The following NUDT13 variants were observed in gnomAD, a reference collection of about 807,000 sequenced individuals.
The protein encoded by NUDT13 is nudix hydrolase 13.
Under a neutral mutation model 41.7 loss-of-function variants are expected in NUDT13, and 40 were observed. That is an observed-to-expected ratio of 0.96 (90% CI 0.75 to 1.25). NUDT13 has a LOEUF of 1.25. NUDT13 is among the 50% of genes most tolerant of loss of function. The probability of loss-of-function intolerance (pLI) is 0.00; values close to 1 mark genes in which losing one functional copy is unlikely to be tolerated. For synonymous variants in NUDT13, 145 were observed against 155.5 expected (o/e 0.93, Z 0.50); for missense variants, 390 against 416.1 (o/e 0.94, Z 0.55).
rs1299425875 is a variant in NUDT13, at chr10:73,125,236, A to T, written c.584A>T (p.Tyr195Phe). 5.6e-6 allele frequency: 9 copies of T among 1,610,552 alleles called. No homozygotes were observed. In the South Asian group the frequency reaches 8.8e-5, roughly 16 times the overall value. The change falls in exon 6 of 9, where the codon TAT becomes TTT. Residue 195 changes from tyrosine (Y) to phenylalanine (F), a missense_variant. Transcript: ENST00000357321. Reference sequence around the variant, plus strand: ...TGCCCTTCCAATAATATAATCTATTATCCACAGGTAATTATTGCTGTAAGA... The same window carrying T: ...TGCCCTTCCAATAATATAATCTATTTTCCACAGGTAATTATTGCTGTAAGA... ...RVCPSNNIIY[Y>F]PQMAPVAITL...
At chr10:73,118,333 C>CT (rs1233653250) in intron 2 of NUDT13, among the ~76,000 whole-genome samples, 1 of 152,160 alleles carries the variant, frequency 6.6e-6, no homozygotes, top group Non-Finnish European at 1.5e-5. Flanking sequence ...GTGCATTTGT[C>CT]TTTTTGCTTT....
rs199873816 is a variant in NUDT13 at position 73,122,173 on chromosome 10, A to G, written c.224-2A>G. On this transcript the variant is annotated splice_acceptor_variant, in intron 3 of 8. Transcript: ENST00000357321. LOFTEE classifies it high-confidence loss of function. Reference sequence around the variant, plus strand: ...TTCTCCCTTCCCCTTTCTGTTTCTTAGAGTTGGAAAGGCTCCTGGGTAAAT... The same window carrying G: ...TTCTCCCTTCCCCTTTCTGTTTCTTGGAGTTGGAAAGGCTCCTGGGTAAAT... The G allele has an allele frequency of 1.9e-6, 3 of 1,611,272 alleles. No individual in the cohort carries two copies. The highest frequency in any genetic ancestry group is 2.2e-5 in the South Asian group (2 of 90,556).
intron 3 of NUDT13, 49 bp downstream of exon 3, chr10:73,120,206 C>A (rs747349561): frequency 1.3e-6 from 2 of 1,571,300 alleles, no homozygotes; most frequent in Non-Finnish European, 1.7e-6. Flanking sequence ...GGCCACTACG[C>A]AGAATTCAGC....
Position 73,114,449 on chromosome 10 carries a change from GT to G in NUDT13, c.83+2del. 6.4e-7 allele frequency: 1 copy of G among 1,557,656 alleles called. No individual in the cohort carries two copies. Among genetic ancestry groups the G allele is most frequent in the East Asian group, 2.3e-5 (1 of 44,178 alleles). On this transcript the variant is annotated splice_donor_variant, in intron 2 of 8. Coordinates refer to ENST00000357321, the MANE Select transcript of NUDT13 (RefSeq NM_015901.6). LOFTEE classifies it high-confidence loss of function. The stretch of plus-strand genomic sequence containing the variant: ...TGTCAACCTATGTTACTAAGACACG[GT>G]GAGTTTTAGCCAACCTGAGCTTTGA...
intron 3 of NUDT13, among the ~76,000 whole-genome samples, chr10:73,120,895 G>A (rs7077585): frequency 0.16 from 23,573 of 150,434 alleles, 3,083 homozygotes; most frequent in African/African-American, 0.33. Context: ...CCGAGATCAC[G>A]GCACTGCACC....
In NUDT13 at chr10:73,114,385, T is replaced by C. The variant is rs377459978; in HGVS notation, c.20T>C (p.Ile7Thr). The C allele has an allele frequency of 1.9e-6, 3 of 1,585,980 alleles. No homozygotes were observed. The highest frequency in any genetic ancestry group is 2.3e-5 in the South Asian group (2 of 87,644). Residue 7 changes from isoleucine (I) to threonine (T), a missense_variant, in exon 2 of 9, where the codon ATA becomes ACA. Coordinates refer to ENST00000357321, the MANE Select transcript of NUDT13 (RefSeq NM_015901.6). ...CTGACAATGTCCCTGTATTGTGGAA[T>C]AGCTTGCAGGAGAAAATTTTTTTGG... MSLYCG[I>T]ACRRKFFWCY...
At chr10:73,112,413 C>G (rs1842388529) in intron 1 of NUDT13, among the ~76,000 whole-genome samples, 1 of 149,126 alleles carries the variant, frequency 6.7e-6, no homozygotes, top group African/African-American at 2.5e-5. Context: ...ATTGGTATGT[C>G]TGTGTCCTTT....
intron 8 of NUDT13, among the ~76,000 whole-genome samples, 191 bp downstream of exon 8, chr10:73,127,018 C>T (rs912068478): frequency 6.6e-6 from 1 of 152,088 alleles, no homozygotes; most frequent in Non-Finnish European, 1.5e-5. Context: ...CTGATGTGGG[C>T]GGATCACTTG....
Position 73,131,159 on chromosome 10 carries a change from A to T in NUDT13, c.*256A>T. On this transcript the variant is annotated 3_prime_UTR_variant, in exon 9 of 9. Transcript: ENST00000357321. Reference sequence around the variant, plus strand: ...CAAAAATCAGGGGGAAGGGGGAAGCATTAGTTTGGATGTAGGCCCTTGTTC... The same window carrying T: ...CAAAAATCAGGGGGAAGGGGGAAGCTTTAGTTTGGATGTAGGCCCTTGTTC... The T allele has an allele frequency of 1.8e-5, 7 of 379,570 alleles. No homozygotes were observed. The South Asian group carries it at 1.9e-4, about 10-fold the overall frequency. 23.5% of individuals were successfully genotyped at this position (379,570 alleles called of 1,614,324 possible). A position where few individuals can be genotyped will look rare whatever the true frequency, so the allele number is the denominator to read the frequency against.
chr10:73,117,557 C>CAAA (rs75939322), intron 2 of NUDT13, among the ~76,000 whole-genome samples: 1 of 49,928 alleles, frequency 2.0e-5, no homozygotes. Context: ...AACTCAGTCT[C>CAAA]AAAAAAAAAA....
Position 73,125,412 on chromosome 10 carries a change from G to T in NUDT13, c.606G>T (p.Ala202=), listed in dbSNP as rs752329269. 2.5e-6 allele frequency: 4 copies of T among 1,613,454 alleles called. No individual in the cohort carries two copies. Among genetic ancestry groups the T allele is most frequent in the Non-Finnish European group, 3.4e-6 (4 of 1,179,762 alleles). ...CCCTTTCCTAGATGGCTCCTGTGGC[G>T]ATCACGCTGGTGTCAGATGGGACCC... The part of the protein sequence containing the change: ...IIYYPQMAPV[A]ITLVSDGTRC... The change falls in exon 7 of 9, where the codon GCG becomes GCT. Residue 202 remains alanine, a synonymous_variant. Transcript: ENST00000357321.
intron 1 of NUDT13, among the ~76,000 whole-genome samples, chr10:73,113,389 T>C (rs553989922): frequency 1.3e-5 from 2 of 152,338 alleles, no homozygotes; most frequent in Admixed American, 1.3e-4. Context: ...CTGAGTGGTG[T>C]ATGAGCCAGA....
intron 1 of NUDT13, among the ~76,000 whole-genome samples, chr10:73,111,181 T>C (rs1025356222): frequency 6.6e-6 from 1 of 152,114 alleles, no homozygotes; most frequent in Admixed American, 6.6e-5. Flanking sequence ...GGTTTCACCG[T>C]GTTAGCCAGG....
chr10:73,130,986 G>A lies in NUDT13; in HGVS notation c.*83G>A. 4 of 1,242,786 alleles carry A rather than the reference G, an allele frequency of 3.2e-6. No homozygotes were observed. In the South Asian group the frequency reaches 5.0e-5, roughly 15 times the overall value. The allele number at this position is 1,242,786 out of a possible 1,614,324, so 77.0% of individuals were successfully genotyped here. A position where few individuals can be genotyped will look rare whatever the true frequency, so the allele number is the denominator to read the frequency against. The stretch of plus-strand genomic sequence containing the variant: ...AGTTGACAAAGGAGAAGTGACAAAA[G>A]ATAAGCTGCAGAAGGACCTCAGAAG... On this transcript the variant is annotated 3_prime_UTR_variant, in exon 9 of 9. Transcript: ENST00000357321.
At position 73,126,693 on chromosome 10, in the gene NUDT13, A is replaced by C. The variant is rs752799303; in HGVS notation, c.724A>C (p.Ile242Leu). 3 of 1,614,082 alleles carry C rather than the reference A, an allele frequency of 1.9e-6. No homozygotes were observed. Among genetic ancestry groups the C allele is most frequent in the Non-Finnish European group, 2.5e-6 (3 of 1,180,032 alleles). Residue 242 changes from isoleucine to leucine, a missense_variant, in exon 8 of 9, where the codon ATC (isoleucine) becomes CTC (leucine). Transcript: ENST00000357321. Reference protein sequence around the residue: ...CDIGESVEETIRREVAEEVGL... With the variant: ...CDIGESVEETLRREVAEEVGL... ...TGTAGGTGAAAGTGTGGAAGAGACC[A>C]TCCGCCGAGAAGTTGCAGAAGAGGT...
intron 8 of NUDT13, among the ~76,000 whole-genome samples, chr10:73,129,437 G>A (rs1842864747): frequency 6.6e-6 from 1 of 151,724 alleles, no homozygotes; most frequent in African/African-American, 2.4e-5. Context: ...GCCTCCCAAA[G>A]TGTTGGGATT....
At chr10:73,112,001 T>TC (rs1842376251) in intron 1 of NUDT13, among the ~76,000 whole-genome samples, 1 of 152,134 alleles carries the variant, frequency 6.6e-6, no homozygotes, top group Admixed American at 6.5e-5. Flanking sequence ...TTCATCCCAC[T>TC]CCCCCAAATT....
intron 2 of NUDT13, among the ~76,000 whole-genome samples, chr10:73,115,792 C>T (rs1372233071): frequency 1.3e-5 from 2 of 152,068 alleles, no homozygotes; most frequent in African/African-American, 2.4e-5. Flanking sequence ...ACCCCACCCC[C>T]TTCCCCCAAG....
chr10:73,125,693 C>CT (rs1242835888), intron 7 of NUDT13, among the ~76,000 whole-genome samples, 184 bp downstream of exon 7: 3 of 134,018 alleles, frequency 2.2e-5, no homozygotes, highest in South Asian at 2.3e-4. Context: ...TTTTCCTTTC[C>CT]TTTTTTTTGA....
Sources: allele counts gnomAD v4.1 joint callset (sites outside exome capture counted in the v4.1 genomes callset), GRCh38; gene constraint gnomAD v4.1.1; transcripts MANE v1.5; gene names NCBI Gene and HGNC (gene_info 2026-07-23, HGNC 2026-07-21).